The following PLBD1 variants were observed in gnomAD, a reference collection of about 807,000 sequenced individuals.
PLBD1 encodes the protein phospholipase B domain containing 1, also known as lysosomal leucine aminopeptidase.
PLBD1 carries 60 observed loss-of-function variants against 63.0 expected under a neutral mutation model. That is an observed-to-expected ratio of 0.95 (90% CI 0.77 to 1.18). The LOEUF is 1.18. Among genes scored for constraint, PLBD1 ranks in the 50% most tolerant of loss-of-function variants. PLBD1 has a pLI of 0.00. For synonymous variants in PLBD1, 262 were observed against 248.0 expected (o/e 1.06, Z -0.53); for missense variants, 598 against 677.9 (o/e 0.88, Z 1.31).
rs574744675 is a variant in PLBD1 at position 14,557,807 on chromosome 12, G to A, written c.116-4395C>T. ...ACACATTTACCTATACAGTAAACCC[G>A]CACATGTATCCCTGAACTTAAAATA... On this transcript the variant is annotated intron_variant, in intron 1 of 10. Coordinates refer to ENST00000240617, the MANE Select transcript of PLBD1 (RefSeq NM_024829.6). Among the ~76,000 whole-genome samples the A allele has an allele frequency of 5.3e-5, 8 of 152,000 alleles. No homozygotes were observed. In the East Asian group the frequency reaches 5.8e-4, roughly 11 times the overall value.
chr12:14,535,895 T>C (rs1271323996), intron 5 of PLBD1, 92 bp from the exon 6 acceptor site: 2 of 1,361,710 alleles, frequency 1.5e-6, no homozygotes, highest in Non-Finnish European at 2.0e-6. Flanking sequence ...GATTGTGCCA[T>C]TTCAGGTAAG....
At chr12:14,559,848 A>G (rs1348148689) in intron 1 of PLBD1, among the ~76,000 whole-genome samples, 2 of 151,300 alleles carry the variant, frequency 1.3e-5, no homozygotes. Context: ...TCTGATTAAT[A>G]TTTTATTTAT....
At chr12:14,564,432 G>C (rs553884772) in intron 1 of PLBD1, among the ~76,000 whole-genome samples, 3 of 152,316 alleles carry the variant, frequency 2.0e-5, no homozygotes, top group Admixed American at 2.0e-4. Flanking sequence ...TGCTAGGCAA[G>C]CACCATGCAG....
At chr12:14,525,310 A>G (rs1209050161) in intron 6 of PLBD1, among the ~76,000 whole-genome samples, 1 of 152,050 alleles carries the variant, frequency 6.6e-6, no homozygotes, top group African/African-American at 2.4e-5. Context: ...TAAAACAAAG[A>G]AAACCTGAAG....
chr12:14,543,440 C>T (rs1184359098), intron 2 of PLBD1, among the ~76,000 whole-genome samples: 5 of 152,018 alleles, frequency 3.3e-5, no homozygotes, highest in East Asian at 3.9e-4. Flanking sequence ...TTTCTTAGGC[C>T]GAGCACGATG....
At chr12:14,513,235 T>C (rs1945312090) in intron 6 of PLBD1, among the ~76,000 whole-genome samples, 1 of 152,244 alleles carries the variant, frequency 6.6e-6, no homozygotes, top group Non-Finnish European at 1.5e-5. Flanking sequence ...GATATTCTGA[T>C]ATATGTATAC....
chr12:14,540,962 A>G, intron 3 of PLBD1, 60 bp from the exon 4 acceptor site: 2 of 1,478,848 alleles, frequency 1.4e-6, no homozygotes, highest in Non-Finnish European at 9.2e-7. Context: ...AAGCTAAATC[A>G]AAGCAGGCAT....
intron 4 of PLBD1, among the ~76,000 whole-genome samples, chr12:14,540,013 C>CAT (rs58124579): frequency 4.6e-3 from 105 of 22,746 alleles, no homozygotes; most frequent in African/African-American, 9.6e-3. Flanking sequence ...AAGCTATGCA[C>CAT]ATATATATAT....
At chr12:14,548,442 G>A (rs1945632056) in intron 2 of PLBD1, among the ~76,000 whole-genome samples, 1 of 116,012 alleles carries the variant, frequency 8.6e-6, no homozygotes, top group Admixed American at 1.2e-4. Flanking sequence ...GGGTAACACA[G>A]GGAGACTCCA....
chr12:14,534,036 T>C (rs1340443962), intron 6 of PLBD1, among the ~76,000 whole-genome samples: 1 of 152,062 alleles, frequency 6.6e-6, no homozygotes. Flanking sequence ...TAGTGTCAAC[T>C]ACTTGGGAGG....
At chr12:14,519,438 C>A (rs191740419) in intron 6 of PLBD1, among the ~76,000 whole-genome samples, 2 of 151,538 alleles carry the variant, frequency 1.3e-5, no homozygotes, top group Non-Finnish European at 2.9e-5. Flanking sequence ...GCTAACAGGG[C>A]GAAACCCTGT....
Position 14,549,708 on chromosome 12 carries a change from G to A in PLBD1, c.335+3485C>T, listed in dbSNP as rs561364231. On this transcript the variant is annotated intron_variant, in intron 2 of 10. Transcript: ENST00000240617. The stretch of plus-strand genomic sequence containing the variant: ...TTTGAGATGGAGTTTCACTCTTGTT[G>A]CCCAGGCTGGAGTGCAATGGCGCAA... Among the ~76,000 whole-genome samples the A allele has an allele frequency of 5.9e-5, 9 of 151,820 alleles. No individual in the cohort carries two copies. In the South Asian group the frequency reaches 1.9e-3, roughly 32 times the overall value.
chr12:14,545,579 T>C (rs919195944), intron 2 of PLBD1, among the ~76,000 whole-genome samples: 12 of 152,214 alleles, frequency 7.9e-5, no homozygotes, highest in African/African-American at 2.2e-4. Flanking sequence ...GTTCTGGTTT[T>C]TATCTGATGC....
chr12:14,532,412 C>T (rs1362348872), intron 6 of PLBD1, among the ~76,000 whole-genome samples: 1 of 152,174 alleles, frequency 6.6e-6, no homozygotes, highest in Non-Finnish European at 1.5e-5. Context: ...GTTCGCTTTA[C>T]CGTCCTCCCC....
intron 6 of PLBD1, among the ~76,000 whole-genome samples, chr12:14,512,697 TAATGGAAC>T (rs921499483): frequency 6.6e-6 from 1 of 152,096 alleles, no homozygotes; most frequent in African/African-American, 2.4e-5. Context: ...TCAGTAACAG[TAATGGAAC>T]AACTGTCAGT....
intron 6 of PLBD1, among the ~76,000 whole-genome samples, chr12:14,531,502 A>T (rs1485172581): frequency 6.6e-6 from 1 of 152,156 alleles, no homozygotes; most frequent in African/African-American, 2.4e-5. Flanking sequence ...CCAGAGTGTT[A>T]AAAAAATTGT....
intron 2 of PLBD1, among the ~76,000 whole-genome samples, chr12:14,542,736 T>C (rs1945584839): frequency 6.6e-6 from 1 of 152,196 alleles, no homozygotes; most frequent in Non-Finnish European, 1.5e-5. Context: ...ATTTATCATG[T>C]TCGCAACACA....
At chr12:14,548,180 G>C (rs558019284) in intron 2 of PLBD1, among the ~76,000 whole-genome samples, 1 of 152,230 alleles carries the variant, frequency 6.6e-6, no homozygotes, top group South Asian at 2.1e-4. Context: ...GGGTGGGCCA[G>C]GCACGGTGGC....
intron 6 of PLBD1, among the ~76,000 whole-genome samples, chr12:14,516,510 A>G (rs1945337903): frequency 6.6e-6 from 1 of 152,156 alleles, no homozygotes. Context: ...ATGAATTTCT[A>G]TGGATGACAC....
Sources: allele counts gnomAD v4.1 joint callset (sites outside exome capture counted in the v4.1 genomes callset), GRCh38; gene constraint gnomAD v4.1.1; transcripts MANE v1.5; gene names NCBI Gene and HGNC (gene_info 2026-07-23, HGNC 2026-07-21).